THSD7A: variants seen among roughly 807,000 people sequenced by gnomAD.
THSD7A encodes thrombospondin type 1 domain containing 7A, also known as thrombospondin type-1 domain-containing protein 7A.
Under a neutral mutation model 231.3 loss-of-function variants are expected in THSD7A, and 96 were observed. The ratio of observed to expected loss-of-function variants is 0.41; its 90% confidence interval spans 0.35 to 0.49. The LOEUF (loss-of-function observed/expected upper bound fraction) is 0.49, where lower values mean the gene tolerates loss of function less well. Among genes scored for constraint, THSD7A ranks in the 20% least tolerant of loss-of-function variants. THSD7A has a pLI of 0.05. For missense variants in THSD7A, 2,290 were observed against 2,070.2 expected, an observed-to-expected ratio of 1.11 and a Z score of -2.06; for synonymous variants, 940 against 743.3, an observed-to-expected ratio of 1.26 and a Z score of -4.30.
intron 4 of THSD7A, among the ~76,000 whole-genome samples, chr7:11,567,475 A>C (rs911762123): frequency 6.6e-6 from 1 of 152,154 alleles, no homozygotes; most frequent in Non-Finnish European, 1.5e-5. Flanking sequence ...TGGGGACACG[A>C]AGCCTAACCA....
intron 2 of THSD7A, among the ~76,000 whole-genome samples, chr7:11,630,761 T>C (rs1781621554): frequency 6.6e-6 from 1 of 152,212 alleles, no homozygotes; most frequent in Non-Finnish European, 1.5e-5. Context: ...TTTTCAAAAG[T>C]AGGCACTACA....
intron 15 of THSD7A, 95 bp downstream of exon 15, chr7:11,426,571 A>G (rs924129862): frequency 1.5e-6 from 2 of 1,332,402 alleles, no homozygotes; most frequent in Non-Finnish European, 2.0e-6. Flanking sequence ...GTAAAACATA[A>G]AAGACAAAGC....
At chr7:11,729,971 A>G (rs530897042) in intron 1 of THSD7A, among the ~76,000 whole-genome samples, 52 of 151,868 alleles carry the variant, frequency 3.4e-4, no homozygotes, top group African/African-American at 1.1e-3. Context: ...GACCTTAGCA[A>G]AGATAAAACA....
chr7:11,586,950 T>C (rs1445311518), intron 4 of THSD7A, among the ~76,000 whole-genome samples: 4 of 152,284 alleles, frequency 2.6e-5, no homozygotes. Context: ...GATTTTAGTG[T>C]GGATTTTTAA....
intron 1 of THSD7A, among the ~76,000 whole-genome samples, chr7:11,683,367 T>C (rs1286736876): frequency 6.6e-6 from 1 of 151,140 alleles, no homozygotes; most frequent in African/African-American, 2.4e-5. Flanking sequence ...AGAAAAGAAA[T>C]AACTACAATC....
At chr7:11,470,104 G>T in intron 8 of THSD7A, 110 bp from the exon 9 acceptor site, 1 of 738,276 alleles carries the variant, frequency 1.4e-6, no homozygotes, top group Non-Finnish European at 2.3e-6. Context: ...TCACTCATCT[G>T]TATTATTTAA....
chr7:11,548,413 T>G (rs1230417209), intron 4 of THSD7A, among the ~76,000 whole-genome samples: 5 of 152,016 alleles, frequency 3.3e-5, no homozygotes, highest in African/African-American at 1.2e-4. Context: ...AGACTCACAG[T>G]TGAATTCTAC....
chr7:11,433,450 A>G (rs1265475244), intron 13 of THSD7A, among the ~76,000 whole-genome samples: 1 of 152,062 alleles, frequency 6.6e-6, no homozygotes, highest in Admixed American at 6.6e-5. Flanking sequence ...AGTCATTTCC[A>G]AATCAATGGC....
intron 4 of THSD7A, among the ~76,000 whole-genome samples, chr7:11,571,357 G>T (rs1043175784): frequency 1.2e-4 from 19 of 152,170 alleles, no homozygotes; most frequent in African/African-American, 4.1e-4. Flanking sequence ...AGCTGTAATT[G>T]TGGGCATGTT....
At chr7:11,513,383 C>T (rs1417234085) in intron 6 of THSD7A, among the ~76,000 whole-genome samples, 4 of 151,692 alleles carry the variant, frequency 2.6e-5, no homozygotes, top group Non-Finnish European at 4.4e-5. Context: ...ACAAATTAGT[C>T]AAATGGAAAC....
intron 16 of THSD7A, among the ~76,000 whole-genome samples, chr7:11,421,877 C>T (rs1447515362): frequency 6.6e-6 from 1 of 152,106 alleles, no homozygotes; most frequent in African/African-American, 2.4e-5. Flanking sequence ...TACTTACAGG[C>T]TTTATTTTTG....
chr7:11,421,324 G>A lies in THSD7A; in HGVS notation c.3383+3372C>T, dbSNP rs111486072. On this transcript the variant is annotated intron_variant, in intron 16 of 27. Transcript: ENST00000423059. The stretch of plus-strand genomic sequence containing the variant: ...TCTCATGAGATCTGGTTGTTGTAAA[G>A]TGTGTGGCACTTCCCCCTTCGCTCT... 5.5e-3 allele frequency among the ~76,000 whole-genome samples: 843 copies of A among 152,194 alleles called. 10 individuals carry two copies. The highest frequency in any genetic ancestry group is 0.019 in the African/African-American group (805 of 41,506).
intron 6 of THSD7A, among the ~76,000 whole-genome samples, chr7:11,527,931 T>C (rs192925029): frequency 7.6e-4 from 116 of 152,240 alleles, no homozygotes; most frequent in Middle Eastern, 3.4e-3. Context: ...AGTGGGAGGA[T>C]TGGTTGATCC....
chr7:11,498,717 A>C (rs956999637), intron 6 of THSD7A, among the ~76,000 whole-genome samples: 1 of 152,126 alleles, frequency 6.6e-6, no homozygotes, highest in East Asian at 1.9e-4. Flanking sequence ...CTTCATGCAG[A>C]TGCCTTTGGG....
intron 1 of THSD7A, among the ~76,000 whole-genome samples, chr7:11,668,232 C>T (rs748333184): frequency 1.2e-4 from 18 of 152,018 alleles, no homozygotes; most frequent in Non-Finnish European, 2.1e-4. Flanking sequence ...TCCTGGCCAA[C>T]GTGATGAAAC....
chr7:11,482,103 G>T (rs574872359), intron 6 of THSD7A, 121 bp from the exon 7 acceptor site: 1 of 1,118,540 alleles, frequency 8.9e-7, no homozygotes, highest in Non-Finnish European at 1.2e-6. Flanking sequence ...TTAAAAAAAC[G>T]TAGCCAAAAG....
At chr7:11,405,025 A>G (rs565471467) in intron 22 of THSD7A, among the ~76,000 whole-genome samples, 1 of 152,208 alleles carries the variant, frequency 6.6e-6, no homozygotes, top group South Asian at 2.1e-4. Flanking sequence ...TCAATACAAT[A>G]GTTGGATATT....
intron 4 of THSD7A, among the ~76,000 whole-genome samples, chr7:11,581,366 A>G (rs1460675423): frequency 6.6e-6 from 1 of 152,096 alleles, no homozygotes; most frequent in African/African-American, 2.4e-5. Context: ...TATTAGCTTA[A>G]TATGACTCAT....
chr7:11,513,367 C>CA (rs1050947716), intron 6 of THSD7A, among the ~76,000 whole-genome samples: 4 of 129,820 alleles, frequency 3.1e-5, no homozygotes, highest in African/African-American at 1.2e-4. Context: ...TAAAAAAAAC[C>CA]AAAAAACAAA....
Sources: allele counts gnomAD v4.1 joint callset (sites outside exome capture counted in the v4.1 genomes callset), GRCh38; gene constraint gnomAD v4.1.1; transcripts MANE v1.5; gene names NCBI Gene and HGNC (gene_info 2026-07-23, HGNC 2026-07-21).